The following CNTNAP2 variants were observed in gnomAD, a reference collection of about 807,000 sequenced individuals.
CNTNAP2 encodes the protein contactin-associated protein-like 2.
A neutral mutation model predicts 155.2 loss-of-function variants in CNTNAP2; 98 were observed. The ratio of observed to expected loss-of-function variants is 0.63; its 90% CI spans 0.54 to 0.75. CNTNAP2 has a LOEUF of 0.75. Among genes scored for constraint, CNTNAP2 ranks in the 30% least tolerant of loss-of-function variants. CNTNAP2 has a pLI of 0.00. For synonymous variants in CNTNAP2, 651 were observed against 631.2 expected (o/e 1.03, Z -0.47); for missense variants, 1,727 against 1,688.1 (o/e 1.02, Z -0.40).
chr7:146,925,205 C>A (rs915273094), intron 3 of CNTNAP2, among the ~76,000 whole-genome samples: 1 of 152,082 alleles, frequency 6.6e-6, no homozygotes, highest in Admixed American at 6.6e-5. Context: ...GAAGCAAATG[C>A]AAAGATTAAT....
intron 2 of CNTNAP2, among the ~76,000 whole-genome samples, chr7:146,812,230 G>T (rs1056157288): frequency 4.6e-5 from 7 of 151,816 alleles, no homozygotes; most frequent in Non-Finnish European, 8.8e-5. Flanking sequence ...AAATGCTGAC[G>T]GTTATATGGA....
intron 1 of CNTNAP2, among the ~76,000 whole-genome samples, chr7:146,321,565 T>A (rs1019524588): frequency 6.6e-5 from 10 of 152,156 alleles, no homozygotes; most frequent in African/African-American, 2.4e-4. Flanking sequence ...GGATTGAGAA[T>A]ATGGCAAATA....
At chr7:146,325,887 G>A (rs1400415430) in intron 1 of CNTNAP2, among the ~76,000 whole-genome samples, 2 of 152,128 alleles carry the variant, frequency 1.3e-5, no homozygotes, top group East Asian at 3.9e-4. Flanking sequence ...CATCAGACAT[G>A]TTTATTAAGA....
chr7:148,046,288 T>C (rs1288849375), intron 15 of CNTNAP2, among the ~76,000 whole-genome samples: 1 of 152,130 alleles, frequency 6.6e-6, no homozygotes, highest in Admixed American at 6.6e-5. Context: ...CAAAATCTGT[T>C]TTGCTGCTGA....
intron 1 of CNTNAP2, among the ~76,000 whole-genome samples, chr7:146,762,843 C>T (rs1304222667): frequency 6.6e-6 from 1 of 152,100 alleles, no homozygotes; most frequent in Non-Finnish European, 1.5e-5. Context: ...CTGCAGATTT[C>T]ATGAGACTTA....
At chr7:148,246,716 G>A (rs1311196737) in intron 20 of CNTNAP2, among the ~76,000 whole-genome samples, 1 of 152,150 alleles carries the variant, frequency 6.6e-6, no homozygotes, top group East Asian at 1.9e-4. Context: ...ACATCATCCA[G>A]CAAAGACTTA....
chr7:146,306,988 A>C (rs1800724931), intron 1 of CNTNAP2, among the ~76,000 whole-genome samples: 1 of 152,210 alleles, frequency 6.6e-6, no homozygotes, highest in Non-Finnish European at 1.5e-5. Flanking sequence ...CAGGGCAATC[A>C]GGCAAGAGAA....
At chr7:146,228,938 G>C (rs142372895) in intron 1 of CNTNAP2, among the ~76,000 whole-genome samples, 241 of 152,260 alleles carry the variant, frequency 1.6e-3, no homozygotes, top group African/African-American at 5.7e-3. Context: ...GCTCAGAAAA[G>C]AAGTTTAATC....
chr7:148,233,945 C>A (rs1489255732), intron 20 of CNTNAP2, among the ~76,000 whole-genome samples: 1 of 152,202 alleles, frequency 6.6e-6, no homozygotes, highest in Non-Finnish European at 1.5e-5. Context: ...GCTTTGCCCT[C>A]TTCCTCCTTC....
At chr7:148,043,824 T>G (rs1417213286) in intron 15 of CNTNAP2, among the ~76,000 whole-genome samples, 1 of 152,244 alleles carries the variant, frequency 6.6e-6, no homozygotes, top group Non-Finnish European at 1.5e-5. Flanking sequence ...AGTATCCTTT[T>G]CACTAGGCCA....
chr7:147,973,209 C>T (rs1801366671), intron 14 of CNTNAP2, among the ~76,000 whole-genome samples: 1 of 137,606 alleles, frequency 7.3e-6, no homozygotes, highest in African/African-American at 2.7e-5. Flanking sequence ...ATCACAAAAA[C>T]TTTGTGCTGG....
At chr7:146,486,044 GTCT>G (rs1563102942) in intron 1 of CNTNAP2, among the ~76,000 whole-genome samples, 3 of 91,722 alleles carry the variant, frequency 3.3e-5, no homozygotes, top group African/African-American at 8.5e-5. Context: ...ACCCACAGCA[GTCT>G]TTTTTTTTTT....
At chr7:147,223,359 C>G (rs561578486) in intron 8 of CNTNAP2, among the ~76,000 whole-genome samples, 1 of 152,256 alleles carries the variant, frequency 6.6e-6, no homozygotes, top group South Asian at 2.1e-4. Flanking sequence ...TACAGATAGG[C>G]AGCAAGGGAC....
intron 1 of CNTNAP2, among the ~76,000 whole-genome samples, chr7:146,570,264 G>A (rs1177599677): frequency 2.0e-5 from 3 of 151,760 alleles, no homozygotes; most frequent in Non-Finnish European, 4.4e-5. Context: ...TTGCTCACCA[G>A]CAAACACTGG....
intron 1 of CNTNAP2, among the ~76,000 whole-genome samples, chr7:146,743,726 C>A (rs1388711805): frequency 1.3e-5 from 2 of 152,104 alleles, no homozygotes; most frequent in Non-Finnish European, 2.9e-5. Flanking sequence ...TGCAGTAGAC[C>A]TGACAATTTC....
chr7:147,762,726 GGGGAGGGA>G (rs200361603), intron 13 of CNTNAP2, among the ~76,000 whole-genome samples: 5 of 149,902 alleles, frequency 3.3e-5, no homozygotes, highest in African/African-American at 1.2e-4. Flanking sequence ...GTATAAGTGG[GGGGAGGGA>G]GGGAGGGAGG....
intron 15 of CNTNAP2, among the ~76,000 whole-genome samples, chr7:148,025,080 G>A (rs539242804): frequency 6.6e-6 from 1 of 152,126 alleles, no homozygotes; most frequent in Non-Finnish European, 1.5e-5. Flanking sequence ...TCTAATGAAA[G>A]GACATAAGAT....
chr7:147,620,863 T>A (rs1229773074), intron 12 of CNTNAP2, among the ~76,000 whole-genome samples: 1 of 151,904 alleles, frequency 6.6e-6, no homozygotes. Context: ...GGGAAAGATA[T>A]CAATATCCAA....
intron 11 of CNTNAP2, among the ~76,000 whole-genome samples, chr7:147,490,720 G>A (rs1291934588): frequency 2.6e-5 from 4 of 152,112 alleles, no homozygotes; most frequent in Non-Finnish European, 5.9e-5. Context: ...GTTGGATATG[G>A]TATTAGTCTG....
Sources: gnomAD v4.1 joint callset for allele counts (sites outside exome capture counted in the v4.1 genomes callset) on GRCh38, gnomAD v4.1.1 for gene constraint, MANE v1.5 for transcripts, NCBI Gene and HGNC (gene_info 2026-07-23, HGNC 2026-07-21) for gene names.